The following RANBP2 variants were observed in gnomAD, a reference collection of about 807,000 sequenced individuals.
The protein encoded by RANBP2 is RAN binding protein 2, also known as E3 SUMO-protein ligase RanBP2.
Under a neutral mutation model 303.6 loss-of-function variants are expected in RANBP2, and 57 were observed. That is an observed-to-expected ratio of 0.19 (90% CI 0.15 to 0.23). The LOEUF is 0.23. RANBP2 is among the 10% of genes least tolerant of loss of function. RANBP2 has a pLI of 1.00. For missense variants in RANBP2, 3,138 were observed against 3,780.8 expected (o/e 0.83, Z 4.46); for synonymous variants, 1,167 against 1,301.5 (o/e 0.90, Z 2.23).
the RANBP2 span, among the ~76,000 whole-genome samples, chr2:109,011,729 G>A: frequency 1.7e-4 from 26 of 151,980 alleles, 1 homozygote; most frequent in Admixed American, 1.6e-3. Flanking sequence ...CTACTTTCTG[G>A]GAAACTTCCT....
At chr2:109,344,183 G>C in the RANBP2 span, among the ~76,000 whole-genome samples, 1 of 152,222 alleles carries the variant, frequency 6.6e-6, no homozygotes, top group African/African-American at 2.4e-5. Flanking sequence ...GGGGTCATCA[G>C]AGTGAACAGC....
the RANBP2 span, among the ~76,000 whole-genome samples, chr2:108,833,894 A>ATTTTTT: frequency 1.3e-5 from 1 of 79,242 alleles, no homozygotes; most frequent in African/African-American, 5.0e-5. Context: ...CGCCCGGCTA[A>ATTTTTT]TTTTTTTTTT....
At chr2:109,183,807 G>T in the RANBP2 span, among the ~76,000 whole-genome samples, 1 of 152,268 alleles carries the variant, frequency 6.6e-6, no homozygotes, top group Non-Finnish European at 1.5e-5. Flanking sequence ...GGCCAAGGGG[G>T]TTAAGTTACC....
At chr2:109,172,367 C>T in the RANBP2 span, among the ~76,000 whole-genome samples, 16 of 152,228 alleles carry the variant, frequency 1.1e-4, no homozygotes, top group South Asian at 2.1e-4. Flanking sequence ...TCACCATGCA[C>T]GGAGCTCAGC....
the RANBP2 span, chr2:109,129,687 G>A: frequency 3.3e-6 from 5 of 1,525,496 alleles, no homozygotes; most frequent in Non-Finnish European, 4.4e-6. Context: ...TGGACGAGTC[G>A]TCGCTGCTGG....
At chr2:108,732,112 C>T (rs1695211116) in intron 4 of RANBP2, among the ~76,000 whole-genome samples, 1 of 152,036 alleles carries the variant, frequency 6.6e-6, no homozygotes, top group Non-Finnish European at 1.5e-5. Context: ...TATACTTTAT[C>T]GTGTGTGTAC....
chr2:109,358,624 C>T, the RANBP2 span, among the ~76,000 whole-genome samples: 7 of 152,220 alleles, frequency 4.6e-5, no homozygotes, highest in Non-Finnish European at 7.3e-5. Context: ...ACTCACCATT[C>T]AATCAGACTG....
chr2:109,691,797 T>C, the RANBP2 span, among the ~76,000 whole-genome samples: 2 of 151,954 alleles, frequency 1.3e-5, no homozygotes, highest in South Asian at 4.2e-4. Context: ...TTGGTTTTTT[T>C]TTTGAGGCAG....
At chr2:108,762,526 A>C (rs1193603657) in intron 19 of RANBP2, among the ~76,000 whole-genome samples, 1 of 90,722 alleles carries the variant, frequency 1.1e-5, no homozygotes, top group Non-Finnish European at 2.2e-5. Context: ...TATATATAAC[A>C]ATTGATTGAA....
At chr2:109,003,763 G>T in the RANBP2 span, among the ~76,000 whole-genome samples, 1 of 152,114 alleles carries the variant, frequency 6.6e-6, no homozygotes, top group Non-Finnish European at 1.5e-5. Context: ...TCTCCTTAAG[G>T]TGCAACTCCA....
chr2:108,936,020 C>T, the RANBP2 span, among the ~76,000 whole-genome samples: 2 of 152,248 alleles, frequency 1.3e-5, no homozygotes, highest in Middle Eastern at 3.2e-3. Context: ...AAGAAGGTGG[C>T]CGTCCTCCCT....
chr2:109,193,853 CG>C, the RANBP2 span, among the ~76,000 whole-genome samples: 1 of 152,108 alleles, frequency 6.6e-6, no homozygotes, highest in Non-Finnish European at 1.5e-5. Flanking sequence ...CGTCTAGCCC[CG>C]GGGATGGGTT....
At chr2:108,819,568 A>G in the RANBP2 span, among the ~76,000 whole-genome samples, 1 of 152,200 alleles carries the variant, frequency 6.6e-6, no homozygotes, top group Non-Finnish European at 1.5e-5. Context: ...CTGAGAGGAA[A>G]CAGCGATAAG....
Position 108,763,446 on chromosome 2 carries a change from A to C in RANBP2, c.2907A>C (p.Thr969=). The part of the protein sequence containing the change: ...DDYFNYNVQQ[T]STNPPLPEPG... ...ACTTTAATTACAATGTTCAACAGAC[A>C]AGCACAAATCCACCTTTGCCAGAAC... The change falls in exon 20 of 29, where the codon ACA becomes ACC. Residue 969 remains threonine (T), a synonymous_variant. Transcript: ENST00000283195. 6.2e-7 allele frequency: 1 copy of C among 1,614,094 alleles called. No individual in the cohort carries two copies. The highest frequency in any genetic ancestry group is 8.5e-7 in the Non-Finnish European group (1 of 1,179,972).
chr2:109,548,995 T>G, the RANBP2 span, among the ~76,000 whole-genome samples: 27 of 152,280 alleles, frequency 1.8e-4, no homozygotes, highest in South Asian at 5.6e-3. Context: ...AAGGCCCTCC[T>G]AACATAAGAT....
At chr2:109,441,231 C>T in the RANBP2 span, among the ~76,000 whole-genome samples, 1 of 151,022 alleles carries the variant, frequency 6.6e-6, no homozygotes, top group Non-Finnish European at 1.5e-5. Context: ...GAAAATATGA[C>T]TTATAATGAA....
the RANBP2 span, among the ~76,000 whole-genome samples, chr2:109,291,837 A>G: frequency 1.3e-5 from 2 of 152,136 alleles, no homozygotes; most frequent in East Asian, 3.9e-4. Flanking sequence ...GCCATATTTC[A>G]TGCCTTCTCA....
chr2:109,025,009 C>G, the RANBP2 span, among the ~76,000 whole-genome samples: 274 of 152,284 alleles, frequency 1.8e-3, 2 homozygotes, highest in African/African-American at 6.3e-3. Flanking sequence ...AGCAGAGACT[C>G]CTTATGTCCC....
the RANBP2 span, among the ~76,000 whole-genome samples, chr2:108,793,939 A>G: frequency 2.6e-5 from 4 of 152,084 alleles, no homozygotes; most frequent in Non-Finnish European, 4.4e-5. Context: ...ACCAGAAGCC[A>G]CGTACGAGAC....
Sources: gnomAD v4.1 joint callset for allele counts (sites outside exome capture counted in the v4.1 genomes callset) on GRCh38, gnomAD v4.1.1 for gene constraint, MANE v1.5 for transcripts, NCBI Gene and HGNC (gene_info 2026-07-23, HGNC 2026-07-21) for gene names.